Variants in NEGR1 observed in about 807,000 individuals in gnomAD.
The protein encoded by NEGR1 is neuronal growth regulator 1.
Under a neutral mutation model 40.9 loss-of-function variants are expected in NEGR1, and 10 were observed. The observed-to-expected ratio is 0.24, with a 90% CI of 0.15 to 0.42. NEGR1 has a LOEUF of 0.42. Ranked by LOEUF, NEGR1 falls within the 10% of genes least tolerant of loss-of-function variation. The pLI, the probability that NEGR1 is intolerant of heterozygous loss-of-function variation, is 1.00. For missense variants in NEGR1, 352 were observed against 438.9 expected (o/e 0.80, Z 1.77); for synonymous variants, 185 against 166.8 (o/e 1.11, Z -0.84).
chr1:72,058,216 A>C (rs981814790), intron 1 of NEGR1, among the ~76,000 whole-genome samples: 3 of 151,636 alleles, frequency 2.0e-5, no homozygotes, highest in Non-Finnish European at 4.4e-5. Context: ...CAGTCAAGTA[A>C]GTTGGAAAGA....
intron 3 of NEGR1, among the ~76,000 whole-genome samples, chr1:71,746,772 GCA>G (rs57628799): frequency 0.09 from 12,787 of 142,702 alleles, 674 homozygotes; most frequent in East Asian, 0.18. Flanking sequence ...ACACACACAC[GCA>G]CACACACACA....
chr1:71,400,683 A>G lies in NEGR1; in HGVS notation c.*6763T>C, dbSNP rs1328493042. On this transcript the variant is annotated 3_prime_UTR_variant, in exon 7 of 7. Coordinates refer to ENST00000357731, the MANE Select transcript of NEGR1 (RefSeq NM_173808.3). ...TTTTTTTTGGGTCATTAAAGTAGGC[A>G]TTACATTATCAAAGCTCAAAATGTT... 6.6e-6 allele frequency: 1 copy of G among 151,700 alleles called. No individual in the cohort carries two copies. Among genetic ancestry groups the G allele is most frequent in the African/African-American group, 2.4e-5 (1 of 41,276 alleles). The allele number at this position is 151,700 out of a possible 1,614,324, so 9.4% of individuals were successfully genotyped here.
chr1:72,031,939 G>GA, intron 1 of NEGR1, among the ~76,000 whole-genome samples: 1 of 152,108 alleles, frequency 6.6e-6, no homozygotes, highest in African/African-American at 2.4e-5. Context: ...CATGCATTTT[G>GA]AAAAAATAAT....
In NEGR1 at chr1:71,776,195, G is replaced by GAAAT; in HGVS notation, c.508_511dup (p.Ser171TyrfsTer14). The GAAAT allele has an allele frequency of 6.2e-7, 1 of 1,609,206 alleles. No homozygotes were observed. The highest frequency in any genetic ancestry group is 8.5e-7 in the Non-Finnish European group (1 of 1,177,312). ...ACCTGATGGGGAGATGTGTCGCCAA[G>GAAAT]AAATGGAAGGCTCTGGTTTCCCAGT... On this transcript the variant is annotated frameshift_variant, in exon 3 of 7. Transcript: ENST00000357731. LOFTEE classifies it high-confidence loss of function.
intron 1 of NEGR1, among the ~76,000 whole-genome samples, chr1:71,941,658 T>G (rs1266508522): frequency 6.6e-6 from 1 of 152,094 alleles, no homozygotes; most frequent in Non-Finnish European, 1.5e-5. Flanking sequence ...TGATAAGAAT[T>G]GTATTTTAAA....
intron 4 of NEGR1, among the ~76,000 whole-genome samples, chr1:71,646,606 A>T (rs1400802136): frequency 6.6e-6 from 1 of 151,862 alleles, no homozygotes; most frequent in Non-Finnish European, 1.5e-5. Flanking sequence ...GAGGAATGAA[A>T]ATAATTAATG....
intron 1 of NEGR1, among the ~76,000 whole-genome samples, chr1:72,246,614 A>G (rs1278193201): frequency 6.6e-6 from 1 of 152,230 alleles, no homozygotes; most frequent in Non-Finnish European, 1.5e-5. Flanking sequence ...TTATATAGGA[A>G]TACATTTCCA....
intron 5 of NEGR1, among the ~76,000 whole-genome samples, chr1:71,605,037 T>C (rs1410114863): frequency 1.3e-5 from 2 of 152,094 alleles, no homozygotes; most frequent in Non-Finnish European, 2.9e-5. Flanking sequence ...ATTTGCAACG[T>C]TTTCATCCCT....
At chr1:71,433,747 T>C (rs1646484575) in intron 6 of NEGR1, among the ~76,000 whole-genome samples, 1 of 152,174 alleles carries the variant, frequency 6.6e-6, no homozygotes, top group Non-Finnish European at 1.5e-5. Context: ...CAATTCAAGA[T>C]GAGATTTGGG....
intron 3 of NEGR1, among the ~76,000 whole-genome samples, chr1:71,706,134 G>A (rs915039065): frequency 5.3e-5 from 8 of 152,306 alleles, no homozygotes; most frequent in South Asian, 4.1e-4. Flanking sequence ...CCAAGTCTCC[G>A]GATGCAGCTG....
chr1:71,681,822 C>T (rs936356859), intron 4 of NEGR1, among the ~76,000 whole-genome samples: 2 of 152,014 alleles, frequency 1.3e-5, no homozygotes, highest in African/African-American at 4.8e-5. Flanking sequence ...GTTTCTCTGG[C>T]TAGCATTCCA....
chr1:72,263,768 C>T (rs2100548624), intron 1 of NEGR1, among the ~76,000 whole-genome samples: 1 of 151,460 alleles, frequency 6.6e-6, no homozygotes. Flanking sequence ...TCTCTTACCT[C>T]TTATGTCCCA....
At chr1:71,547,040 T>A (rs1647922409) in intron 6 of NEGR1, among the ~76,000 whole-genome samples, 1 of 151,744 alleles carries the variant, frequency 6.6e-6, no homozygotes, top group African/African-American at 2.4e-5. Flanking sequence ...CAAGTTGCTT[T>A]TGCTCTTATT....
At chr1:71,876,308 C>A (rs1660428170) in intron 2 of NEGR1, among the ~76,000 whole-genome samples, 1 of 151,996 alleles carries the variant, frequency 6.6e-6, no homozygotes, top group Non-Finnish European at 1.5e-5. Flanking sequence ...CTCAGGAGTT[C>A]AAGACAAGCC....
intron 1 of NEGR1, among the ~76,000 whole-genome samples, chr1:72,208,673 T>G (rs770558114): frequency 6.6e-6 from 1 of 151,678 alleles, no homozygotes; most frequent in Non-Finnish European, 1.5e-5. Flanking sequence ...TTCTCTACGG[T>G]CTACACTAGT....
rs184865176 is a variant in NEGR1 at position 72,149,354 on chromosome 1, A to G, written c.176+132965T>C. 1.6e-4 allele frequency among the ~76,000 whole-genome samples: 25 copies of G among 152,286 alleles called. No homozygotes were observed. In the East Asian group the frequency reaches 4.3e-3, roughly 26 times the overall value. ...ATTCTGGGAGATATAATTCAAGTTTAGATTTGGGTGGGGACACAGCCAAAT... is the reference window on the plus strand; with the variant it reads ...ATTCTGGGAGATATAATTCAAGTTTGGATTTGGGTGGGGACACAGCCAAAT... On this transcript the variant is annotated intron_variant, in intron 1 of 6. Coordinates refer to ENST00000357731, the MANE Select transcript of NEGR1 (RefSeq NM_173808.3).
intron 4 of NEGR1, among the ~76,000 whole-genome samples, chr1:71,614,878 T>C (rs1650393158): frequency 6.6e-6 from 1 of 152,166 alleles, no homozygotes; most frequent in Admixed American, 6.5e-5. Context: ...CCACACAAGT[T>C]AAAGGGACAT....
intron 1 of NEGR1, among the ~76,000 whole-genome samples, chr1:71,999,366 A>G (rs958419975): frequency 2.6e-5 from 4 of 151,730 alleles, no homozygotes; most frequent in Non-Finnish European, 5.9e-5. Context: ...TTATTTTTCA[A>G]GGTAATTGAA....
At chr1:72,282,206 C>T (rs1656281721) in intron 1 of NEGR1, 113 bp downstream of exon 1, 1 of 1,247,854 alleles carries the variant, frequency 8.0e-7, no homozygotes. Flanking sequence ...GTGGTCTTTC[C>T]ATGATGAGCA....
Sources: allele counts gnomAD v4.1 joint callset (sites outside exome capture counted in the v4.1 genomes callset), GRCh38; gene constraint gnomAD v4.1.1; transcripts MANE v1.5; gene names NCBI Gene and HGNC (gene_info 2026-07-23, HGNC 2026-07-21).